DPP10: variants seen among roughly 807,000 people sequenced by gnomAD.
DPP10 encodes dipeptidyl peptidase like 10.
In DPP10, 33 loss-of-function variants were observed where a neutral mutation model predicts 120.9. The observed-to-expected ratio is 0.27, with a 90% CI of 0.21 to 0.37. The LOEUF is 0.37. Among genes scored for constraint, DPP10 ranks in the 10% least tolerant of loss-of-function variants. The pLI, the probability that DPP10 is intolerant of heterozygous loss-of-function variation, is 1.00. For synonymous variants in DPP10, 337 were observed against 326.1 expected, an observed-to-expected ratio of 1.03 and a Z score of -0.36; for missense variants, 816 against 942.8, an observed-to-expected ratio of 0.87 and a Z score of 1.76.
At chr2:114,848,600 G>A (rs945850645) in intron 1 of DPP10, among the ~76,000 whole-genome samples, 2 of 152,112 alleles carry the variant, frequency 1.3e-5, no homozygotes, top group Admixed American at 6.6e-5. Flanking sequence ...ACATAGATAC[G>A]ACTAGGACTT....
intron 1 of DPP10, among the ~76,000 whole-genome samples, chr2:114,586,019 G>A (rs1463720078): frequency 2.0e-5 from 3 of 152,152 alleles, no homozygotes; most frequent in African/African-American, 7.2e-5. Flanking sequence ...AAGCTGAGGT[G>A]AGCAGATTGC....
chr2:115,501,458 T>C (rs1470077611), intron 4 of DPP10, among the ~76,000 whole-genome samples: 1 of 152,152 alleles, frequency 6.6e-6, no homozygotes, highest in Non-Finnish European at 1.5e-5. Flanking sequence ...TTCTGTGTTA[T>C]ATCTTTTTAA....
chr2:114,580,219 C>G (rs1041480460), intron 1 of DPP10, among the ~76,000 whole-genome samples: 1 of 152,184 alleles, frequency 6.6e-6, no homozygotes, highest in African/African-American at 2.4e-5. Context: ...CCCACACTTC[C>G]CCAGGCATTC....
intron 5 of DPP10, among the ~76,000 whole-genome samples, chr2:115,686,840 G>A (rs1379659785): frequency 6.6e-6 from 1 of 151,996 alleles, no homozygotes; most frequent in African/African-American, 2.4e-5. Context: ...GCAGAGATGG[G>A]ATGAATAGGT....
rs775542778 is a variant in DPP10, at chr2:115,842,268, A to G, written c.2314A>G (p.Thr772Ala). The stretch of plus-strand genomic sequence containing the variant: ...GAAGAGCAAGTATCATCTCTACAGC[A>G]CAATCCTCAAATTCTTCAGTGATTG... ...SEKSKYHLYS[T>A]ILKFFSDCLK... The change falls in exon 26 of 26, where the codon ACA becomes GCA. Residue 772 changes from threonine to alanine, a missense_variant. Thr to Ala is a moderately conservative substitution (Grantham distance 58). Around this residue, in one of 3 missense-constraint regions of DPP10, gnomAD observed 592 missense variants for 649.0 expected, o/e 0.91. Coordinates refer to ENST00000410059, the MANE Select transcript of DPP10 (RefSeq NM_020868.6). The G allele has an allele frequency of 6.2e-7, 1 of 1,614,048 alleles. No homozygotes were observed. Among genetic ancestry groups the G allele is most frequent in the East Asian group, 2.2e-5 (1 of 44,862 alleles).
chr2:115,830,828 C>T (rs1046529250), intron 21 of DPP10, among the ~76,000 whole-genome samples: 6 of 152,174 alleles, frequency 3.9e-5, no homozygotes, highest in Middle Eastern at 3.4e-3. Context: ...GAAAATAAAA[C>T]AAACTTAAAA....
chr2:115,227,096 C>T (rs1459526891), intron 1 of DPP10, among the ~76,000 whole-genome samples: 1 of 152,148 alleles, frequency 6.6e-6, no homozygotes, highest in African/African-American at 2.4e-5. Flanking sequence ...GATATTGCAT[C>T]TTTCATCAAC....
chr2:115,101,013 C>A (rs1237774415), intron 1 of DPP10, among the ~76,000 whole-genome samples: 1 of 152,100 alleles, frequency 6.6e-6, no homozygotes, highest in Non-Finnish European at 1.5e-5. Flanking sequence ...AGTTTTTACC[C>A]ACATGCTGAG....
chr2:115,778,062 T>G (rs1056447882), intron 15 of DPP10, among the ~76,000 whole-genome samples: 47 of 152,144 alleles, frequency 3.1e-4, no homozygotes, highest in African/African-American at 1.1e-3. Flanking sequence ...ATTCTTTTCT[T>G]CACCTGCTTT....
chr2:114,931,622 T>C (rs539246569), intron 1 of DPP10, among the ~76,000 whole-genome samples: 50 of 152,280 alleles, frequency 3.3e-4, no homozygotes, highest in Admixed American at 5.9e-4. Flanking sequence ...ATCCAAACTA[T>C]AGCACTGGGT....
intron 1 of DPP10, among the ~76,000 whole-genome samples, chr2:115,104,813 C>T (rs777264806): frequency 6.1e-4 from 93 of 152,120 alleles, no homozygotes; most frequent in Non-Finnish European, 5.9e-4. Context: ...TGAGACCATC[C>T]TGGCCAACAT....
At chr2:114,924,982 G>T (rs367800426) in intron 1 of DPP10, among the ~76,000 whole-genome samples, 2,513 of 152,054 alleles carry the variant, frequency 0.017, 80 homozygotes, top group African/African-American at 0.057. Context: ...GAGGCCGAGG[G>T]GGGCTAATCA....
intron 1 of DPP10, among the ~76,000 whole-genome samples, chr2:114,571,583 G>A (rs1193408959): frequency 2.0e-5 from 3 of 151,924 alleles, no homozygotes; most frequent in African/African-American, 4.8e-5. Context: ...GAGGGCAGAC[G>A]CCACCGCTAA....
chr2:114,826,640 T>G (rs1044282085), intron 1 of DPP10, among the ~76,000 whole-genome samples: 3 of 152,088 alleles, frequency 2.0e-5, no homozygotes, highest in African/African-American at 7.2e-5. Context: ...AAGTGATTCT[T>G]CTGCCTCAGC....
intron 5 of DPP10, among the ~76,000 whole-genome samples, chr2:115,635,943 A>G (rs1412591304): frequency 6.6e-6 from 1 of 152,224 alleles, no homozygotes; most frequent in Non-Finnish European, 1.5e-5. Flanking sequence ...TCAAAGCATC[A>G]TTGCACATAT....
chr2:114,795,496 GA>G (rs397765411), intron 1 of DPP10, among the ~76,000 whole-genome samples: 6,614 of 138,798 alleles, frequency 0.048, 174 homozygotes, highest in South Asian at 0.11. Flanking sequence ...CATCTCTGGG[GA>G]AAAAAAAAAA....
Position 115,802,873 on chromosome 2 carries a change from G to T in DPP10, c.1700+11517G>T, listed in dbSNP as rs575208739. ...CAACTATGTGGTCAATTTTGGAATA[G>T]GTGTGGTGTGGTGCTGAAAAGAATG... is the stretch of plus-strand genomic sequence containing the variant. On this transcript the variant is annotated intron_variant, in intron 19 of 25. Transcript: ENST00000410059. Among the ~76,000 whole-genome samples, 11 of 152,250 alleles carry T rather than the reference G, an allele frequency of 7.2e-5. No individual in the cohort carries two copies. The South Asian group carries it at 2.3e-3, about 32-fold the overall frequency.
intron 1 of DPP10, among the ~76,000 whole-genome samples, chr2:115,037,367 T>A (rs1194868845): frequency 6.6e-6 from 1 of 152,250 alleles, no homozygotes; most frequent in African/African-American, 2.4e-5. Flanking sequence ...CTTTTTTTCC[T>A]TTCTGTCCAC....
chr2:114,767,103 GA>G (rs35500978), intron 1 of DPP10, among the ~76,000 whole-genome samples: 10,773 of 48,068 alleles, frequency 0.22, 658 homozygotes, highest in African/African-American at 0.34. Flanking sequence ...ATCAAAACTA[GA>G]AAAAAAAAAA....
Sources: gnomAD v4.1 joint callset for allele counts (sites outside exome capture counted in the v4.1 genomes callset) on GRCh38, gnomAD v4.1.1 for gene constraint, gnomAD v4.1.1 regional missense constraint, MANE v1.5 for transcripts, NCBI Gene and HGNC (gene_info 2026-07-23, HGNC 2026-07-21) for gene names.